CD96: variants seen among roughly 807,000 people sequenced by gnomAD.
CD96 encodes the protein T-cell surface protein tactile.
In CD96, 70 loss-of-function variants were observed where a neutral mutation model predicts 71.3. The observed-to-expected ratio is 0.98, with a 90% CI of 0.81 to 1.20. The LOEUF (loss-of-function observed/expected upper bound fraction) is 1.20. CD96 is among the 50% of genes most tolerant of loss of function. CD96 has a pLI of 0.00. For missense variants in CD96, 742 were observed against 677.5 expected (o/e 1.10, Z -1.06); for synonymous variants, 248 against 233.0 (o/e 1.06, Z -0.59).
intron 5 of CD96, among the ~76,000 whole-genome samples, chr3:111,591,996 G>A (rs957722652): frequency 6.6e-6 from 1 of 152,202 alleles, no homozygotes; most frequent in African/African-American, 2.4e-5. Flanking sequence ...CAGAGAGGTT[G>A]GTGCCCACAA....
At chr3:111,576,438 A>G (rs189168134) in intron 3 of CD96, among the ~76,000 whole-genome samples, 13 of 152,286 alleles carry the variant, frequency 8.5e-5, no homozygotes, top group Admixed American at 8.5e-4. Context: ...GTAATCTACA[A>G]CTCACATGAA....
At position 111,585,748 on chromosome 3, in the gene CD96, G is replaced by A. The variant is rs139822265; in HGVS notation, c.807+370G>A. On this transcript the variant is annotated intron_variant, in intron 5 of 13. Transcript: ENST00000352690. ...CTTTTGCTCAGCTGACGTTTAATTTGTTCTAATCCATTTCCTTTACCCACT... is the reference window on the plus strand; with the variant it reads ...CTTTTGCTCAGCTGACGTTTAATTTATTCTAATCCATTTCCTTTACCCACT... Among the ~76,000 whole-genome samples the A allele has an allele frequency of 1.7e-3, 252 of 152,234 alleles. 2 individuals are homozygous for A. Among genetic ancestry groups the A allele is most frequent in the African/African-American group, 5.6e-3 (232 of 41,526 alleles).
At chr3:111,616,562 T>G (rs747133735) in intron 8 of CD96, among the ~76,000 whole-genome samples, 2 of 152,148 alleles carry the variant, frequency 1.3e-5, no homozygotes, top group Non-Finnish European at 2.9e-5. Context: ...TGATGATGCA[T>G]GCTGCAGCAA....
Position 111,649,967 on chromosome 3 carries a change from C to A in CD96, c.*161C>A. 2 of 670,086 alleles carry A rather than the reference C, an allele frequency of 3.0e-6. No individual in the cohort carries two copies. Among genetic ancestry groups the A allele is most frequent in the Non-Finnish European group, 2.7e-6 (1 of 364,784 alleles). 41.5% of individuals were successfully genotyped at this position (670,086 alleles called of 1,614,324 possible). ...GTTTTCCCAGCAACTCACCCTCTTC[C>A]ATCTCCAAACGCCTGAAGCTTAACC... On this transcript the variant is annotated 3_prime_UTR_variant, in exon 14 of 14. Coordinates refer to ENST00000352690, the MANE Select transcript of CD96 (RefSeq NM_005816.5).
intron 4 of CD96, among the ~76,000 whole-genome samples, chr3:111,583,587 T>C (rs1423914888): frequency 6.6e-6 from 1 of 152,218 alleles, no homozygotes; most frequent in African/African-American, 2.4e-5. Context: ...CCATAAATCT[T>C]CTGAAATCTA....
intron 12 of CD96, among the ~76,000 whole-genome samples, chr3:111,642,518 G>A (rs1939639744): frequency 6.6e-6 from 1 of 152,124 alleles, no homozygotes; most frequent in Non-Finnish European, 1.5e-5. Context: ...TTACCAACAA[G>A]GGCTGAGCGC....
At chr3:111,579,264 G>C (rs1480605484) in intron 4 of CD96, 30 bp downstream of exon 4, 2 of 1,157,158 alleles carry the variant, frequency 1.7e-6, no homozygotes, top group Non-Finnish European at 2.6e-6. Flanking sequence ...AGACTCACTG[G>C]CATCCTCCTG....
At chr3:111,580,044 C>T (rs1936396783) in intron 4 of CD96, among the ~76,000 whole-genome samples, 4 of 152,300 alleles carry the variant, frequency 2.6e-5, no homozygotes, top group Middle Eastern at 3.4e-3. Context: ...GGAGTAAAGT[C>T]AGTGAGAAAA....
intron 4 of CD96, among the ~76,000 whole-genome samples, chr3:111,582,876 C>G (rs375951391): frequency 1.4e-3 from 212 of 152,282 alleles, no homozygotes; most frequent in African/African-American, 4.7e-3. Context: ...GGTGGGGACA[C>G]AGCCAAACCA....
intron 8 of CD96, 113 bp downstream of exon 8, chr3:111,606,905 C>A: frequency 1.3e-6 from 1 of 746,806 alleles, no homozygotes; most frequent in Non-Finnish European, 2.4e-6. Context: ...TTTTTTGGGG[C>A]TGAAATTGGG....
chr3:111,661,920 G>A (rs1025049443), intron 14 of CD96, among the ~76,000 whole-genome samples: 4 of 152,306 alleles, frequency 2.6e-5, no homozygotes, highest in African/African-American at 9.6e-5. Flanking sequence ...CTATGTATGG[G>A]GGTTCCAAGC....
intron 5 of CD96, chr3:111,594,142 T>C: frequency 3.1e-6 from 5 of 1,613,388 alleles, no homozygotes; most frequent in Non-Finnish European, 4.2e-6. Flanking sequence ...CCTTCATCTC[T>C]AAGTCCCCTT....
chr3:111,554,792 A>G (rs983705855), intron 2 of CD96, among the ~76,000 whole-genome samples: 1 of 152,010 alleles, frequency 6.6e-6, no homozygotes, highest in Admixed American at 6.6e-5. Flanking sequence ...TTATTATTAC[A>G]TTGTAATATA....
At chr3:111,594,216 A>G in intron 5 of CD96, 1 of 1,572,136 alleles carries the variant, frequency 6.4e-7, no homozygotes, top group Non-Finnish European at 8.6e-7. Flanking sequence ...CCTCTTCTAC[A>G]GCGTTCTTTA....
intron 3 of CD96, among the ~76,000 whole-genome samples, chr3:111,574,134 A>G (rs1030877177): frequency 2.6e-5 from 4 of 152,138 alleles, no homozygotes; most frequent in African/African-American, 9.7e-5. Context: ...AGCTCTGTAC[A>G]CTCAGCACCT....
intron 3 of CD96, chr3:111,571,104 T>A: frequency 1.3e-6 from 1 of 762,302 alleles, no homozygotes; most frequent in South Asian, 1.5e-5. Flanking sequence ...CGGGCATCCC[T>A]CTGAATCCAG....
intron 5 of CD96, among the ~76,000 whole-genome samples, chr3:111,597,195 C>T (rs1158128193): frequency 2.6e-5 from 4 of 152,128 alleles, no homozygotes; most frequent in Non-Finnish European, 5.9e-5. Flanking sequence ...AAAATATATA[C>T]ATCTCTTGAT....
At chr3:111,616,894 C>T (rs1265478710) in intron 8 of CD96, among the ~76,000 whole-genome samples, 2 of 152,152 alleles carry the variant, frequency 1.3e-5, no homozygotes, top group African/African-American at 4.8e-5. Context: ...CACCCCTGCT[C>T]TCTTGAGGGC....
At chr3:111,664,914 C>A (rs187084506) in intron 14 of CD96, among the ~76,000 whole-genome samples, 9 of 152,036 alleles carry the variant, frequency 5.9e-5, no homozygotes, top group Middle Eastern at 6.8e-3. Context: ...TTTATAACTC[C>A]GATGTTGTTA....
Sources: allele counts gnomAD v4.1 joint callset (sites outside exome capture counted in the v4.1 genomes callset), GRCh38; gene constraint gnomAD v4.1.1; transcripts MANE v1.5; gene names NCBI Gene and HGNC (gene_info 2026-07-23, HGNC 2026-07-21).